Variants in ADAMTS16 observed in about 807,000 individuals in gnomAD.
ADAMTS16 encodes the protein ADAM metallopeptidase with thrombospondin type 1 motif 16.
A neutral mutation model predicts 145.8 loss-of-function variants in ADAMTS16; 94 were observed. That is an observed-to-expected ratio of 0.64 (90% CI 0.55 to 0.77). The LOEUF is 0.77. Among genes scored for constraint, ADAMTS16 ranks in the 30% least tolerant of loss-of-function variants. The pLI is 0.00. For synonymous variants in ADAMTS16, 659 were observed against 604.3 expected (o/e 1.09, Z -1.33); for missense variants, 1,585 against 1,591.5 (o/e 1.00, Z 0.07).
chr5:5,190,635 T>G (rs1034397527), intron 7 of ADAMTS16, among the ~76,000 whole-genome samples: 2 of 152,150 alleles, frequency 1.3e-5, no homozygotes, highest in African/African-American at 2.4e-5. Context: ...TAAAACACTG[T>G]GCTACTGACC....
In ADAMTS16 at chr5:5,306,591, T is replaced by C. The variant is rs780319136; in HGVS notation, c.3274T>C (p.Ser1092Pro). ...TTCTGGAAAGTATCGAGAGCTGGCC[T>C]CAAAGAAGTGCTCACATTTGCCGAA... is the stretch of plus-strand genomic sequence containing the variant. ...YVSGKYRELA[S>P]KKCSHLPKPS... Residue 1092 changes from serine to proline, a missense_variant, in exon 21 of 23, where the codon TCA becomes CCA. Ser to Pro is a moderately conservative substitution (Grantham distance 74). Around this residue, in one of 3 missense-constraint regions of ADAMTS16, gnomAD observed 834 missense variants for 811.7 expected, o/e 1.03. Coordinates refer to ENST00000274181, the MANE Select transcript of ADAMTS16 (RefSeq NM_139056.4). 6 of 1,614,094 alleles carry C rather than the reference T, an allele frequency of 3.7e-6. No homozygotes were observed. The African/African-American group carries it at 5.3e-5, about 14-fold the overall frequency.
chr5:5,205,316 A>G (rs1201634566), intron 9 of ADAMTS16, among the ~76,000 whole-genome samples: 2 of 151,476 alleles, frequency 1.3e-5, no homozygotes, highest in African/African-American at 4.9e-5. Context: ...CTGGAAAAAA[A>G]GAAAAAAAAA....
At chr5:5,230,287 A>G (rs941970351) in intron 11 of ADAMTS16, among the ~76,000 whole-genome samples, 28 of 152,256 alleles carry the variant, frequency 1.8e-4, no homozygotes, top group Admixed American at 1.8e-3. Flanking sequence ...GCTGAATGCA[A>G]TAAACGAACC....
chr5:5,288,438 G>A (rs913297337), intron 18 of ADAMTS16, among the ~76,000 whole-genome samples: 2 of 152,212 alleles, frequency 1.3e-5, no homozygotes, highest in African/African-American at 4.8e-5. Flanking sequence ...TAGATAATCT[G>A]TATGTGCATA....
In ADAMTS16 at chr5:5,265,345, C is replaced by T. The variant is rs553335640; in HGVS notation, c.2789+2562C>T. On this transcript the variant is annotated intron_variant, in intron 18 of 22. Coordinates refer to ENST00000274181, the MANE Select transcript of ADAMTS16 (RefSeq NM_139056.4). ...GCATTTTACAGGGAGAATAGAAGAGCGGGAAGGGGCTGAACCAGGGAGAGC... is the reference window on the plus strand; with the variant it reads ...GCATTTTACAGGGAGAATAGAAGAGTGGGAAGGGGCTGAACCAGGGAGAGC... 4.6e-5 allele frequency among the ~76,000 whole-genome samples: 7 copies of T among 152,096 alleles called. No homozygotes were observed. The East Asian group carries it at 7.8e-4, about 17-fold the overall frequency.
chr5:5,266,600 C>T (rs746056936), intron 18 of ADAMTS16, among the ~76,000 whole-genome samples: 9 of 152,116 alleles, frequency 5.9e-5, no homozygotes, highest in Non-Finnish European at 1.0e-4. Context: ...TCTTTCTTGC[C>T]GCCTCCCCCA....
intron 15 of ADAMTS16, 96 bp downstream of exon 15, chr5:5,239,370 T>C (rs1737210815): frequency 6.8e-7 from 1 of 1,469,098 alleles, no homozygotes; most frequent in African/African-American, 1.4e-5. Context: ...ACAGCAGGAC[T>C]TCCTTCCGCT....
intron 12 of ADAMTS16, 98 bp from the exon 13 acceptor site, chr5:5,234,916 T>A: frequency 3.9e-5 from 37 of 957,234 alleles, no homozygotes; most frequent in Non-Finnish European, 4.5e-5. Context: ...AATTACCCAT[T>A]CTAACACTCT....
rs1447147331 is a variant in ADAMTS16 at position 5,146,504 on chromosome 5, G to A, written c.501+49G>A. On this transcript the variant is annotated intron_variant, in intron 3 of 22. Coordinates refer to ENST00000274181, the MANE Select transcript of ADAMTS16 (RefSeq NM_139056.4). ...TAGGGAGGCGAGGTTGGTGATGGTG[G>A]AAAGGAGAGCGTAACCAGGACTTTC... 4 of 1,534,156 alleles carry A rather than the reference G, an allele frequency of 2.6e-6. No individual in the cohort carries two copies. The African/African-American group carries it at 4.1e-5, about 16-fold the overall frequency.
chr5:5,158,248 C>A (rs1370936241), intron 3 of ADAMTS16, among the ~76,000 whole-genome samples: 4 of 152,154 alleles, frequency 2.6e-5, no homozygotes, highest in Non-Finnish European at 5.9e-5. Context: ...AGGGCAGCAC[C>A]ATGATTGTTA....
intron 2 of ADAMTS16, among the ~76,000 whole-genome samples, chr5:5,141,841 A>ACC (rs1734176725): frequency 6.6e-6 from 1 of 152,060 alleles, no homozygotes; most frequent in Non-Finnish European, 1.5e-5. Context: ...TCACCATAGT[A>ACC]CCTTTTTGAG....
chr5:5,225,934 A>G (rs1736752287), intron 11 of ADAMTS16, among the ~76,000 whole-genome samples: 1 of 152,208 alleles, frequency 6.6e-6, no homozygotes, highest in Non-Finnish European at 1.5e-5. Context: ...ATTAATTCAC[A>G]TGGTCATGGC....
At chr5:5,141,516 T>TA (rs928164558) in intron 2 of ADAMTS16, among the ~76,000 whole-genome samples, 1 of 152,272 alleles carries the variant, frequency 6.6e-6, no homozygotes, top group African/African-American at 2.4e-5. Flanking sequence ...CACTGGTTGC[T>TA]AGGTGGTTTT....
At chr5:5,228,752 A>T (rs1019245796) in intron 11 of ADAMTS16, among the ~76,000 whole-genome samples, 1 of 152,238 alleles carries the variant, frequency 6.6e-6, no homozygotes, top group African/African-American at 2.4e-5. Context: ...TTCCCTTAGA[A>T]GCAAAATTTA....
chr5:5,181,463 C>T (rs1735337119), intron 3 of ADAMTS16, among the ~76,000 whole-genome samples: 1 of 152,200 alleles, frequency 6.6e-6, no homozygotes, highest in Admixed American at 6.5e-5. Flanking sequence ...TATAAAATCA[C>T]TGCTTTCCTA....
intron 8 of ADAMTS16, among the ~76,000 whole-genome samples, chr5:5,195,486 G>A (rs1170433666): frequency 6.6e-6 from 1 of 152,148 alleles, no homozygotes; most frequent in African/African-American, 2.4e-5. Context: ...ACCAGGGAGG[G>A]TGCCCTTAAC....
intron 8 of ADAMTS16, among the ~76,000 whole-genome samples, chr5:5,193,353 A>G (rs1735718464): frequency 6.6e-6 from 1 of 152,172 alleles, no homozygotes; most frequent in Admixed American, 6.6e-5. Context: ...TTGCTTAGAA[A>G]ATTACACCTT....
intron 17 of ADAMTS16, among the ~76,000 whole-genome samples, chr5:5,260,481 C>G (rs779741209): frequency 1.3e-5 from 2 of 152,152 alleles, no homozygotes; most frequent in South Asian, 4.2e-4. Flanking sequence ...AAGGGAGCAC[C>G]ATGTGCAAAC....
chr5:5,205,064 C>T (rs1736055914), intron 9 of ADAMTS16, among the ~76,000 whole-genome samples: 1 of 150,958 alleles, frequency 6.6e-6, no homozygotes, highest in African/African-American at 2.4e-5. Flanking sequence ...GTGCTATAAT[C>T]TTTTGTGCAT....
Sources: gnomAD v4.1 joint callset for allele counts (sites outside exome capture counted in the v4.1 genomes callset) on GRCh38, gnomAD v4.1.1 for gene constraint, gnomAD v4.1.1 regional missense constraint, MANE v1.5 for transcripts, NCBI Gene and HGNC (gene_info 2026-07-23, HGNC 2026-07-21) for gene names.